ACTN4: variants seen among roughly 807,000 people sequenced by gnomAD.
ACTN4 encodes actinin alpha 4, also known as alpha-actinin-4.
A neutral mutation model predicts 114.2 loss-of-function variants in ACTN4; 18 were observed. That is an observed-to-expected ratio of 0.16 (90% CI 0.11 to 0.23). The LOEUF (loss-of-function observed/expected upper bound fraction) is 0.23. ACTN4 is among the 10% of genes least tolerant of loss of function. The pLI is 1.00. For missense variants in ACTN4, 722 were observed against 1,262.9 expected (o/e 0.57, Z 6.49); for synonymous variants, 515 against 506.3 (o/e 1.02, Z -0.23).
intron 6 of ACTN4, among the ~76,000 whole-genome samples, chr19:38,708,810 A>G (rs1318906264): frequency 6.6e-6 from 1 of 152,234 alleles, no homozygotes; most frequent in Non-Finnish European, 1.5e-5. Flanking sequence ...TCCCGGAAGA[A>G]GAGGCAGCTT....
At chr19:38,723,353 G>A (rs1323305263) in intron 12 of ACTN4, among the ~76,000 whole-genome samples, 1 of 152,212 alleles carries the variant, frequency 6.6e-6, no homozygotes, top group Non-Finnish European at 1.5e-5. Context: ...AGGGATGGGT[G>A]AGCAGGAGGA....
intron 3 of ACTN4, among the ~76,000 whole-genome samples, chr19:38,703,562 T>C (rs1353248183): frequency 6.6e-6 from 1 of 152,104 alleles, no homozygotes; most frequent in Non-Finnish European, 1.5e-5. Flanking sequence ...GTTTTTAGGT[T>C]AGTTCAGAAA....
At chr19:38,666,563 T>C (rs1261897844) in intron 1 of ACTN4, among the ~76,000 whole-genome samples, 1 of 152,190 alleles carries the variant, frequency 6.6e-6, no homozygotes, top group African/African-American at 2.4e-5. Context: ...GAACACGAAG[T>C]ACACACAGGT....
rs1394936871 is a variant in ACTN4 at position 38,727,120 on chromosome 19, C to T, written c.2337+17C>T. Reference sequence around the variant, plus strand: ...TTCGACAAGGTGAGCAGCCTGCCACCTCCTCGGCCTCTCCCCTCCCGCCGT... The same window carrying T: ...TTCGACAAGGTGAGCAGCCTGCCACTTCCTCGGCCTCTCCCCTCCCGCCGT... On this transcript the variant is annotated intron_variant, in intron 18 of 20. Coordinates refer to ENST00000252699, the MANE Select transcript of ACTN4 (RefSeq NM_004924.6). This position sits in a 1 kb window ranked among gnomAD's most constrained non-coding sequence, Gnocchi z 5.4. 6.2e-7 allele frequency: 1 copy of T among 1,613,342 alleles called. No homozygotes were observed. The highest frequency in any genetic ancestry group is 8.5e-7 in the Non-Finnish European group (1 of 1,179,930).
At chr19:38,708,035 A>C in intron 5 of ACTN4, 82 bp from the exon 6 acceptor site, 1 of 1,382,994 alleles carries the variant, frequency 7.2e-7, no homozygotes. Flanking sequence ...GGAATTAGTC[A>C]CTGCTGTGGG....
At chr19:38,668,685 AAAAAAAG>A (rs149825087) in intron 1 of ACTN4, among the ~76,000 whole-genome samples, 2,134 of 151,996 alleles carry the variant, frequency 0.014, 57 homozygotes, top group African/African-American at 0.047. Context: ...ACTCCATCGC[AAAAAAAG>A]AAAAAAGAAA....
chr19:38,709,743 C>T (rs1968580011), intron 7 of ACTN4, among the ~76,000 whole-genome samples: 1 of 152,196 alleles, frequency 6.6e-6, no homozygotes, highest in Admixed American at 6.5e-5. Context: ...GATCAACTCT[C>T]CTGAGGGTGC....
chr19:38,651,745 TG>T (rs1213472123), intron 1 of ACTN4, among the ~76,000 whole-genome samples: 2 of 152,108 alleles, frequency 1.3e-5, no homozygotes, highest in Non-Finnish European at 2.9e-5. Flanking sequence ...TGTTTTGTTT[TG>T]TTTTTTTTGA....
intron 12 of ACTN4, 152 bp from the exon 13 acceptor site, chr19:38,723,462 G>GTGA: frequency 1.4e-6 from 1 of 717,106 alleles, no homozygotes; most frequent in Non-Finnish European, 2.6e-6. Context: ...GAACCAAGCT[G>GTGA]TGATTTGATT....
In ACTN4 at chr19:38,701,012, A is replaced by G. The variant is rs1421612128; in HGVS notation, c.288A>G (p.Leu96=). 3 of 1,613,876 alleles carry G rather than the reference A, an allele frequency of 1.9e-6. No individual in the cohort carries two copies. In the Admixed American group the frequency reaches 5.0e-5, roughly 27 times the overall value. Residue 96 remains leucine, a synonymous_variant, in exon 3 of 21, where the codon TTA becomes TTG. Transcript: ENST00000252699. Reference sequence around the variant, plus strand: ...TTGTGCACTTCTCAGGGGAGCGGTTACCTAAGCCGGAGCGGGGGAAGATGA... The same window carrying G: ...TTGTGCACTTCTCAGGGGAGCGGTTGCCTAAGCCGGAGCGGGGGAAGATGA... ...LLLEVISGER[L]PKPERGKMRV... is the part of the protein sequence containing the mutation.
intron 8 of ACTN4, among the ~76,000 whole-genome samples, chr19:38,713,970 C>T (rs1386037954): frequency 1.3e-5 from 2 of 152,200 alleles, no homozygotes; most frequent in African/African-American, 2.4e-5. Context: ...CTCTGGAGCT[C>T]CTATTAACAT....
intron 1 of ACTN4, among the ~76,000 whole-genome samples, chr19:38,674,152 G>A (rs1967301117): frequency 6.6e-6 from 1 of 152,058 alleles, no homozygotes; most frequent in Non-Finnish European, 1.5e-5. Context: ...TAGATTGTGT[G>A]GGAGCTGTCA....
chr19:38,724,770 G>A lies in ACTN4; in HGVS notation c.2010+205G>A, dbSNP rs1969176411. Among the ~76,000 whole-genome samples, 1 of 152,240 alleles carries A rather than the reference G, an allele frequency of 6.6e-6. No individual in the cohort carries two copies. The highest frequency in any genetic ancestry group is 1.5e-5 in the Non-Finnish European group (1 of 68,034). Reference sequence around the variant, plus strand: ...TGGAATCCCGGCACCTGGGGAGGCTGAGGCGGGCGGATCGCTTGAGCCCAG... The same window carrying A: ...TGGAATCCCGGCACCTGGGGAGGCTAAGGCGGGCGGATCGCTTGAGCCCAG... On this transcript the variant is annotated intron_variant, in intron 16 of 20. Coordinates refer to ENST00000252699, the MANE Select transcript of ACTN4 (RefSeq NM_004924.6). This position sits in a 1 kb window ranked among gnomAD's most constrained non-coding sequence, Gnocchi z 7.0.
rs1568761594 is a variant in ACTN4 at position 38,731,011 on chromosome 19, T to C, written c.*1579T>C. The C allele has an allele frequency of 4.5e-6, 7 of 1,553,002 alleles. No individual in the cohort carries two copies. The highest frequency in any genetic ancestry group is 1.7e-4 in the Middle Eastern group (1 of 5,978). ...GACCCCCTCACCCCCATCCAGGTGC[T>C]GGCTGCAGTGGCCTGTGCAGAGAGG... On this transcript the variant is annotated 3_prime_UTR_variant, in exon 21 of 21. Transcript: ENST00000252699.
At chr19:38,666,547 C>A (rs891109626) in intron 1 of ACTN4, among the ~76,000 whole-genome samples, 6 of 152,216 alleles carry the variant, frequency 3.9e-5, no homozygotes, top group Admixed American at 1.3e-4. Context: ...GATCCACGTG[C>A]CAGGAGAACA....
In ACTN4 at chr19:38,717,795, A is replaced by G. The variant is rs951805786; in HGVS notation, c.1144-132A>G. 37 of 1,242,774 alleles carry G rather than the reference A, an allele frequency of 3.0e-5. No homozygotes were observed. The highest frequency in any genetic ancestry group is 1.3e-4 in the South Asian group (10 of 76,396). 77.0% of individuals were successfully genotyped at this position (1,242,774 alleles called of 1,614,324 possible). On this transcript the variant is annotated intron_variant, in intron 10 of 20. Transcript: ENST00000252699. This position sits in a 1 kb window ranked among gnomAD's most constrained non-coding sequence, Gnocchi z 4.0. ...GGGGGCCCTGTGTAGGCATCCAGGT[A>G]TAATAGCAAAGCATGACACAGACAT... is the stretch of plus-strand genomic sequence containing the variant.
In ACTN4 at chr19:38,717,117, G is replaced by A; in HGVS notation, c.944G>A (p.Trp315Ter). The change falls in exon 10 of 21, where the codon TGG (tryptophan) becomes TAG (stop). Residue 315 changes from tryptophan (W) to a stop codon, truncating the protein, a stop_gained. Transcript: ENST00000252699. LOFTEE classifies it high-confidence loss of function. This position sits in a 1 kb window ranked among gnomAD's most constrained non-coding sequence, Gnocchi z 4.0. ...GAGTGGATCCGGCGCACCATCCCCT[G>A]GCTGGAGGACCGTGTGCCCCAAAAG... is the stretch of plus-strand genomic sequence containing the variant. ...LLEWIRRTIP[W>*]LEDRVPQKTI... 1 of 1,614,118 alleles carries A rather than the reference G, an allele frequency of 6.2e-7. No individual in the cohort carries two copies. Among genetic ancestry groups the A allele is most frequent in the Non-Finnish European group, 8.5e-7 (1 of 1,180,026 alleles).
chr19:38,714,444 G>A lies in ACTN4; in HGVS notation c.820-25G>A, dbSNP rs201154284. On this transcript the variant is annotated intron_variant, in intron 8 of 20. Coordinates refer to ENST00000252699, the MANE Select transcript of ACTN4 (RefSeq NM_004924.6). ...AGGGAGGGTGGCCAGCCCCCAGGCA[G>A]CCCTGACTGTGTGCTCCCCTCCAGG... is the stretch of plus-strand genomic sequence containing the variant. The A allele has an allele frequency of 2.5e-3, 3,957 of 1,612,216 alleles. 5 individuals are homozygous for A. The highest frequency in any genetic ancestry group is 3.1e-3 in the Non-Finnish European group (3,635 of 1,179,042).
intron 1 of ACTN4, among the ~76,000 whole-genome samples, chr19:38,657,749 A>T (rs769430405): frequency 6.6e-6 from 1 of 152,108 alleles, no homozygotes; most frequent in Non-Finnish European, 1.5e-5. Context: ...GCATCTGGAC[A>T]TGCTGGGAAG....
Sources: allele counts gnomAD v4.1 joint callset (sites outside exome capture counted in the v4.1 genomes callset), GRCh38; gene constraint gnomAD v4.1.1; non-coding constraint Gnocchi (gnomAD v3.1); transcripts MANE v1.5; gene names NCBI Gene and HGNC (gene_info 2026-07-23, HGNC 2026-07-21).